RYR1: variants seen among roughly 807,000 people sequenced by gnomAD.
RYR1 encodes ryanodine receptor 1, also known as central core disease of muscle.
RYR1 carries 342 observed loss-of-function variants against 583.5 expected under a neutral mutation model. That is an observed-to-expected ratio of 0.59 (90% confidence interval 0.54 to 0.64). The LOEUF (loss-of-function observed/expected upper bound fraction) is 0.64. Ranked by LOEUF, RYR1 falls within the 30% of genes least tolerant of loss-of-function variation. The probability of loss-of-function intolerance (pLI) is 0.00; values close to 1 mark genes in which losing one functional copy is unlikely to be tolerated. For missense variants in RYR1, 6,032 were observed against 6,917.2 expected (o/e 0.87, Z 4.54); for synonymous variants, 2,791 against 2,822.5 (o/e 0.99, Z 0.35).
intron 76 of RYR1, among the ~76,000 whole-genome samples, chr19:38,529,273 G>A (rs979779648): frequency 7.2e-5 from 11 of 152,208 alleles, no homozygotes; most frequent in Admixed American, 1.3e-4. Flanking sequence ...TTGAGCCCAG[G>A]AGTTCAAGAC....
Position 38,483,024 on chromosome 19 carries a change from C to G in RYR1, c.4621-3C>G. The G allele has an allele frequency of 6.2e-7, 1 of 1,613,858 alleles. No homozygotes were observed. Among genetic ancestry groups the G allele is most frequent in the Non-Finnish European group, 8.5e-7 (1 of 1,179,764 alleles). ...CTCACCTCGTCCTCTTCTCCTCTGC[C>G]AGGTGGAACCCAACACTAAGCTATT... On this transcript the variant is annotated splice_region_variant and splice_polypyrimidine_tract_variant and intron_variant, in intron 31 of 105. Coordinates refer to ENST00000359596, the MANE Select transcript of RYR1 (RefSeq NM_000540.3). This position sits in a 1 kb window ranked among gnomAD's most constrained non-coding sequence, Gnocchi z 6.3.
chr19:38,548,989 T>C (rs1972548797), intron 89 of RYR1, among the ~76,000 whole-genome samples: 1 of 152,216 alleles, frequency 6.6e-6, no homozygotes, highest in South Asian at 2.1e-4. Flanking sequence ...TAGGCATCAG[T>C]TATTCCATCA....
At chr19:38,502,808 GGGAGGA>G (rs144244037) in intron 48 of RYR1, 66 bp from the exon 49 acceptor site, 27,412 of 1,074,732 alleles carry the variant, frequency 0.026, 2,462 homozygotes, top group Admixed American at 0.083. Context: ...CAGGGGCAGG[GGGAGGA>G]GCAGGGGCAG....
At chr19:38,573,563 C>T (rs1268171041) in intron 96 of RYR1, among the ~76,000 whole-genome samples, 2 of 151,862 alleles carry the variant, frequency 1.3e-5, no homozygotes, top group African/African-American at 2.4e-5. Flanking sequence ...GCCTGTAATC[C>T]CAGCTACTGG....
chr19:38,452,725 G>A, intron 12 of RYR1, 94 bp from the exon 13 acceptor site: 1 of 1,149,740 alleles, frequency 8.7e-7, no homozygotes, highest in Middle Eastern at 2.9e-4. Context: ...AAAACGGGTG[G>A]GTCTGGGGGA....
chr19:38,561,549 G>A lies in RYR1; in HGVS notation c.12624+95G>A, dbSNP rs776064670. 3.6e-4 allele frequency: 434 copies of A among 1,217,224 alleles called. No individual in the cohort carries two copies. Among genetic ancestry groups the A allele is most frequent in the Non-Finnish European group, 4.6e-4 (396 of 869,858 alleles). The allele number at this position is 1,217,224 out of a possible 1,614,324, so 75.4% of individuals were successfully genotyped here. ...CCCTCAGACCCCACGGGGGCTGTGC[G>A]TGCCTCGCATATCTGCCCTGCTCCG... On this transcript the variant is annotated intron_variant, in intron 90 of 105. Coordinates refer to ENST00000359596, the MANE Select transcript of RYR1 (RefSeq NM_000540.3). The surrounding 1 kb of genome is among the most constrained non-coding windows in gnomAD (Gnocchi z 4.8).
chr19:38,487,946 T>G (rs1969371616), intron 34 of RYR1, among the ~76,000 whole-genome samples: 1 of 152,166 alleles, frequency 6.6e-6, no homozygotes, highest in Admixed American at 6.5e-5. Context: ...TTTGTTTTTA[T>G]TTATTATTTT....
chr19:38,512,429 C>T lies in RYR1; in HGVS notation c.9418C>T (p.Leu3140Phe). The T allele has an allele frequency of 6.2e-7, 1 of 1,613,782 alleles. No homozygotes were observed. The highest frequency in any genetic ancestry group is 8.5e-7 in the Non-Finnish European group (1 of 1,180,036). ...CACCACTGTGGCACTGCTGCCGGTC[C>T]TCACCACCCTCTTCCAGCACATCGC... is the stretch of plus-strand genomic sequence containing the variant. ...TYTTVALLPV[L>F]TTLFQHIAQH... Residue 3140 changes from leucine to phenylalanine, a missense_variant, in exon 63 of 106, where the codon CTC becomes TTC. This residue lies in a region of RYR1 where 1,493 missense variants were observed against 1,715.5 expected (regional missense o/e 0.87). Transcript: ENST00000359596. This position sits in a 1 kb window ranked among gnomAD's most constrained non-coding sequence, Gnocchi z 5.1.
chr19:38,504,182 C>T lies in RYR1; in HGVS notation c.7927-38C>T, dbSNP rs373337200. The T allele has an allele frequency of 2.5e-5, 40 of 1,588,412 alleles. No individual in the cohort carries two copies. The African/African-American group carries it at 5.1e-4, about 20-fold the overall frequency. Reference sequence around the variant, plus strand: ...TCGTCTGCCTGCCATTCGCTGGTGCCCCCCTCATTTGTGTGTCCCCCTCTT... The same window carrying T: ...TCGTCTGCCTGCCATTCGCTGGTGCTCCCCTCATTTGTGTGTCCCCCTCTT... On this transcript the variant is annotated intron_variant, in intron 49 of 105. Transcript: ENST00000359596.
In RYR1 at chr19:38,485,931, G is replaced by C. The variant is rs765080138; in HGVS notation, c.5276G>C (p.Arg1759Pro). The C allele has an allele frequency of 6.2e-7, 1 of 1,613,582 alleles. No homozygotes were observed. Among genetic ancestry groups the C allele is most frequent in the Non-Finnish European group, 8.5e-7 (1 of 1,179,986 alleles). Residue 1759 changes from arginine (R) to proline (P), a missense_variant, in exon 34 of 106, where the codon CGG (arginine) becomes CCG (proline). Physicochemically the swap from Arg to Pro is moderately radical, Grantham distance 103. Transcript: ENST00000359596. Reference sequence around the variant, plus strand: ...AGGAGCACAGAAAATGGTCACCCCCGGCATGGCCTGCCGGGAGTTGGAGTC... The same window carrying C: ...AGGAGCACAGAAAATGGTCACCCCCCGCATGGCCTGCCGGGAGTTGGAGTC... ...PGRSTENGHP[R>P]HGLPGVGVTT...
At chr19:38,434,813 G>A (rs923284897) in intron 1 of RYR1, among the ~76,000 whole-genome samples, 13 of 152,124 alleles carry the variant, frequency 8.5e-5, no homozygotes, top group African/African-American at 1.2e-4. Context: ...TAGGTCTGCT[G>A]ACCAGACGCT....
rs1415082195 is a variant in RYR1, at chr19:38,482,404, G to T, written c.4621-623G>T. Reference sequence around the variant, plus strand: ...GTGGAGGCAGAGGCTGGCTGGATGGGCTCCACTGGGAAGACGGGAGAGGGG... The same window carrying T: ...GTGGAGGCAGAGGCTGGCTGGATGGTCTCCACTGGGAAGACGGGAGAGGGG... On this transcript the variant is annotated intron_variant, in intron 31 of 105. Transcript: ENST00000359596. Among the ~76,000 whole-genome samples the T allele has an allele frequency of 3.3e-5, 5 of 152,262 alleles. No individual in the cohort carries two copies. In the East Asian group the frequency reaches 7.7e-4, roughly 24 times the overall value.
chr19:38,566,147 G>A (rs1973414870), intron 91 of RYR1, among the ~76,000 whole-genome samples: 1 of 151,734 alleles, frequency 6.6e-6, no homozygotes, highest in Admixed American at 6.6e-5. Context: ...CAAATTAGAG[G>A]GCAGGAAAGA....
intron 89 of RYR1, among the ~76,000 whole-genome samples, chr19:38,560,494 C>T (rs1001466208): frequency 1.2e-4 from 18 of 151,878 alleles, no homozygotes; most frequent in African/African-American, 4.1e-4. Context: ...TTTGGGAGGC[C>T]GAGGCGGGTG....
intron 58 of RYR1, among the ~76,000 whole-genome samples, chr19:38,509,491 C>T (rs1236787478): frequency 7.2e-6 from 1 of 138,414 alleles, no homozygotes; most frequent in African/African-American, 2.7e-5. Flanking sequence ...CTTGCTCTGT[C>T]ACCCAGGTTG....
At chr19:38,467,550 C>T (rs1968172816) in intron 24 of RYR1, 60 bp from the exon 25 acceptor site, 9 of 1,573,336 alleles carry the variant, frequency 5.7e-6, no homozygotes, top group South Asian at 2.2e-5. Flanking sequence ...ACCAACTTCT[C>T]GATGTCTTGG....
chr19:38,449,569 C>T (rs115050327), intron 11 of RYR1, among the ~76,000 whole-genome samples: 1,722 of 152,332 alleles, frequency 0.011, 26 homozygotes, highest in African/African-American at 0.037. Flanking sequence ...TGAGTACCCG[C>T]GTTGTTCTGG....
At position 38,572,220 on chromosome 19, in the gene RYR1, C is replaced by T. The variant is rs1555801907; in HGVS notation, c.13948C>T (p.Leu4650=). ...MEPALRCLSL[L]HTLVAFLCII... ...ACCCGCCCTGCGGTGTCTGAGCCTC[C>T]TGCATACACTGGTGGCCTTTCTCTG... Residue 4650 remains leucine (L), a synonymous_variant, in exon 95 of 106, where the codon CTG becomes TTG. Transcript: ENST00000359596. The T allele has an allele frequency of 6.2e-7, 1 of 1,613,484 alleles. No individual in the cohort carries two copies. The highest frequency in any genetic ancestry group is 2.2e-5 in the East Asian group (1 of 44,858).
At position 38,496,611 on chromosome 19, in the gene RYR1, C is replaced by T; in HGVS notation, c.6796+70C>T. 6.3e-7 allele frequency: 1 copy of T among 1,579,054 alleles called. No homozygotes were observed. The highest frequency in any genetic ancestry group is 1.3e-5 in the African/African-American group (1 of 74,378). On this transcript the variant is annotated intron_variant, in intron 41 of 105. Coordinates refer to ENST00000359596, the MANE Select transcript of RYR1 (RefSeq NM_000540.3). The surrounding 1 kb of genome is among the most constrained non-coding windows in gnomAD (Gnocchi z 4.8). The stretch of plus-strand genomic sequence containing the variant: ...TGGCACCCCGTCCAGGCCTGCCCCA[C>T]TTTCCACCAGCTCACTCATTCAACA...
Sources: gnomAD v4.1 joint callset for allele counts (sites outside exome capture counted in the v4.1 genomes callset) on GRCh38, gnomAD v4.1.1 for gene constraint, gnomAD v4.1.1 regional missense constraint, Gnocchi (gnomAD v3.1) non-coding constraint, MANE v1.5 for transcripts, NCBI Gene and HGNC (gene_info 2026-07-23, HGNC 2026-07-21) for gene names.